Variants in FAM3C observed in about 807,000 individuals in gnomAD.
FAM3C encodes the protein protein FAM3C.
Under a neutral mutation model 32.5 loss-of-function variants are expected in FAM3C, and 15 were observed. The ratio of observed to expected loss-of-function variants is 0.46; its 90% CI spans 0.31 to 0.71. The LOEUF (loss-of-function observed/expected upper bound fraction) is 0.71, where lower values mean the gene tolerates loss of function less well. Among genes scored for constraint, FAM3C ranks in the 30% least tolerant of loss-of-function variants. The pLI is 0.05. For missense variants in FAM3C, 175 were observed against 274.4 expected, an observed-to-expected ratio of 0.64 and a Z score of 2.56; for synonymous variants, 75 against 86.1, an observed-to-expected ratio of 0.87 and a Z score of 0.72.
At position 121,349,185 on chromosome 7, in the gene FAM3C, G is replaced by T. The variant is rs1026218111; in HGVS notation, c.*1276C>A. 2.6e-5 allele frequency: 4 copies of T among 152,432 alleles called. No individual in the cohort carries two copies. Among genetic ancestry groups the T allele is most frequent in the African/African-American group, 7.2e-5 (3 of 41,404 alleles). The allele number at this position is 152,432 out of a possible 1,614,324, so 9.4% of individuals were successfully genotyped here. ...GGTTTACAGCTAAATAACAGATACT[G>T]CTTTTAGGTTTTTTTATACAATGCA... On this transcript the variant is annotated 3_prime_UTR_variant, in exon 10 of 10. Coordinates refer to ENST00000359943, the MANE Select transcript of FAM3C (RefSeq NM_014888.3).
chr7:121,387,746 C>T (rs765277063), intron 1 of FAM3C, among the ~76,000 whole-genome samples: 2 of 152,014 alleles, frequency 1.3e-5, no homozygotes, highest in East Asian at 1.9e-4. Flanking sequence ...TGGGAAAAAA[C>T]TTACATTACT....
chr7:121,370,386 A>G (rs1772801783), intron 5 of FAM3C, among the ~76,000 whole-genome samples: 1 of 152,194 alleles, frequency 6.6e-6, no homozygotes, highest in South Asian at 2.1e-4. Flanking sequence ...TTCAATATTA[A>G]AAAGAAGAGG....
intron 2 of FAM3C, 58 bp downstream of exon 2, chr7:121,382,899 C>T (rs1794385951): frequency 2.3e-5 from 30 of 1,295,976 alleles, no homozygotes; most frequent in Non-Finnish European, 3.3e-5. Flanking sequence ...TTTAGTTATT[C>T]TTTAACAAAC....
chr7:121,387,885 C>A (rs1794494489), intron 1 of FAM3C, among the ~76,000 whole-genome samples: 1 of 152,052 alleles, frequency 6.6e-6, no homozygotes, highest in Non-Finnish European at 1.5e-5. Flanking sequence ...AAAACCTTGT[C>A]TTTAATAACA....
chr7:121,371,775 G>A (rs1239542342), intron 4 of FAM3C, among the ~76,000 whole-genome samples: 1 of 151,972 alleles, frequency 6.6e-6, no homozygotes, highest in African/African-American at 2.4e-5. Context: ...ATGTTACTTT[G>A]CACTTCTAGT....
At chr7:121,395,948 C>T (rs1319508806) in intron 1 of FAM3C, among the ~76,000 whole-genome samples, 2 of 151,594 alleles carry the variant, frequency 1.3e-5, no homozygotes, top group African/African-American at 4.8e-5. Context: ...CGGCCGGGAA[C>T]CCCGGCCAGC....
chr7:121,384,466 A>G (rs1277085111), intron 1 of FAM3C, among the ~76,000 whole-genome samples: 5 of 152,194 alleles, frequency 3.3e-5, no homozygotes, highest in Non-Finnish European at 7.4e-5. Context: ...TTTTCCTGCC[A>G]GCTAATTTTC....
chr7:121,364,127 T>C lies in FAM3C; in HGVS notation c.331+3A>G, dbSNP rs371502659. The C allele has an allele frequency of 1.9e-6, 3 of 1,584,440 alleles. No homozygotes were observed. Among genetic ancestry groups the C allele is most frequent in the Admixed American group, 1.7e-5 (1 of 59,930 alleles). On this transcript the variant is annotated splice_donor_region_variant and intron_variant, in intron 6 of 9. Transcript: ENST00000359943. The stretch of plus-strand genomic sequence containing the variant: ...ATCCATAAGCTAAAATAATTGTTCT[T>C]ACCATTTGCCAAGGCAACATTGATC...
At position 121,369,305 on chromosome 7, in the gene FAM3C, AT is replaced by A. The variant is rs1158225623; in HGVS notation, c.272+1994del. 5.9e-5 allele frequency among the ~76,000 whole-genome samples: 9 copies of A among 151,878 alleles called. No homozygotes were observed. The East Asian group carries it at 1.7e-3, about 30-fold the overall frequency. On this transcript the variant is annotated intron_variant, in intron 5 of 9. Transcript: ENST00000359943. The stretch of plus-strand genomic sequence containing the variant: ...CTGGTGTCACAATTTATAAGTACGT[AT>A]TTTTTTTAAGCATCTGTCACCCCTA...
intron 2 of FAM3C, among the ~76,000 whole-genome samples, chr7:121,381,873 T>C (rs1361247126): frequency 6.6e-6 from 1 of 152,176 alleles, no homozygotes; most frequent in African/African-American, 2.4e-5. Flanking sequence ...TCAGTTATCT[T>C]TGTTTAATAA....
At chr7:121,391,710 C>A (rs1392323720) in intron 1 of FAM3C, among the ~76,000 whole-genome samples, 1 of 152,204 alleles carries the variant, frequency 6.6e-6, no homozygotes, top group African/African-American at 2.4e-5. Context: ...ATGGTTCCAT[C>A]GCCCAAGGGT....
intron 3 of FAM3C, 106 bp from the exon 4 acceptor site, chr7:121,372,245 A>C (rs367810993): frequency 2.9e-6 from 2 of 695,938 alleles, no homozygotes; most frequent in Admixed American, 2.5e-5. Context: ...ATAATGATTC[A>C]GTATACAATA....
rs144626810 is a variant in FAM3C at position 121,350,673 on chromosome 7, C to A, written c.595-123G>T. On this transcript the variant is annotated intron_variant, in intron 9 of 9. Transcript: ENST00000359943. Reference sequence around the variant, plus strand: ...GTCAACAATAAGTTCATTTAAATTACTGGTCAAGATATTAAATGAGTGACC... The same window carrying A: ...GTCAACAATAAGTTCATTTAAATTAATGGTCAAGATATTAAATGAGTGACC... 510 of 1,011,002 alleles carry A rather than the reference C, an allele frequency of 5.0e-4. 6 individuals are homozygous for A. The East Asian group carries it at 0.012, about 25-fold the overall frequency. 62.6% of individuals were successfully genotyped at this position (1,011,002 alleles called of 1,614,324 possible). A position where few individuals can be genotyped will look rare whatever the true frequency, so the allele number is the denominator to read the frequency against.
chr7:121,376,821 AG>A (rs2116931677), intron 3 of FAM3C, among the ~76,000 whole-genome samples: 1 of 152,320 alleles, frequency 6.6e-6, no homozygotes, highest in South Asian at 2.1e-4. Flanking sequence ...GTCCATGGAC[AG>A]GGATCTCAGC....
chr7:121,372,500 T>C (rs928775104), intron 3 of FAM3C, among the ~76,000 whole-genome samples: 3 of 152,200 alleles, frequency 2.0e-5, no homozygotes, highest in African/African-American at 7.2e-5. Context: ...TTAAAAGTTG[T>C]TGCTGCTGTA....
Position 121,364,028 on chromosome 7 carries a change from C to T in FAM3C, c.331+102G>A, listed in dbSNP as rs1205849560. 6.4e-6 allele frequency: 5 copies of T among 778,400 alleles called. No individual in the cohort carries two copies. The African/African-American group carries it at 8.6e-5, about 13-fold the overall frequency. The allele number at this position is 778,400 out of a possible 1,614,324, so 48.2% of individuals were successfully genotyped here. ...GGGATGGGACAGAGGGCTTTATCATCAAGAGCAGTACTTTCTAACCTGATC... is the reference window on the plus strand; with the variant it reads ...GGGATGGGACAGAGGGCTTTATCATTAAGAGCAGTACTTTCTAACCTGATC... On this transcript the variant is annotated intron_variant, in intron 6 of 9. Transcript: ENST00000359943.
At chr7:121,378,352 C>A (rs1327463209) in intron 3 of FAM3C, among the ~76,000 whole-genome samples, 5 of 151,950 alleles carry the variant, frequency 3.3e-5, no homozygotes, top group Non-Finnish European at 7.4e-5. Flanking sequence ...TGAGGTTTTA[C>A]TGTCACCCAG....
At chr7:121,382,556 T>G (rs1326048854) in intron 2 of FAM3C, among the ~76,000 whole-genome samples, 3 of 151,572 alleles carry the variant, frequency 2.0e-5, no homozygotes, top group Non-Finnish European at 2.9e-5. Flanking sequence ...TAGGTTTTTT[T>G]TTTTTTTTTT....
In FAM3C at chr7:121,353,505, C is replaced by T. The variant is rs76065900; in HGVS notation, c.468-2236G>A. ...AGAAAGGCCTACTAGCAAGACTGAC[C>T]CTTGGCTATCTGGCCACTTGGATTT... On this transcript the variant is annotated intron_variant, in intron 8 of 9. Coordinates refer to ENST00000359943, the MANE Select transcript of FAM3C (RefSeq NM_014888.3). Among the ~76,000 whole-genome samples, 306 of 152,284 alleles carry T rather than the reference C, an allele frequency of 2.0e-3. 2 individuals carry two copies. Among genetic ancestry groups the T allele is most frequent in the East Asian group, 6.4e-3 (33 of 5,182 alleles).
Sources: allele counts gnomAD v4.1 joint callset (sites outside exome capture counted in the v4.1 genomes callset), GRCh38; gene constraint gnomAD v4.1.1; transcripts MANE v1.5; gene names NCBI Gene and HGNC (gene_info 2026-07-23, HGNC 2026-07-21).